THSD7A: variants seen among roughly 807,000 people sequenced by gnomAD.
THSD7A encodes thrombospondin type 1 domain containing 7A.
A neutral mutation model predicts 231.3 loss-of-function variants in THSD7A; 96 were observed. The ratio of observed to expected loss-of-function variants is 0.41; its 90% CI spans 0.35 to 0.49. THSD7A has a LOEUF of 0.49. Among genes scored for constraint, THSD7A ranks in the 20% least tolerant of loss-of-function variants. THSD7A has a pLI of 0.05. For synonymous variants in THSD7A, 940 were observed against 743.3 expected (o/e 1.26, Z -4.30); for missense variants, 2,290 against 2,070.2 (o/e 1.11, Z -2.06).
At chr7:11,692,056 C>T (rs556030632) in intron 1 of THSD7A, among the ~76,000 whole-genome samples, 10 of 151,472 alleles carry the variant, frequency 6.6e-5, no homozygotes, top group Non-Finnish European at 1.3e-4. Context: ...AAGCCAAACA[C>T]CATGTTAGTG....
intron 6 of THSD7A, among the ~76,000 whole-genome samples, chr7:11,537,244 T>C (rs772919190): frequency 1.3e-5 from 2 of 152,082 alleles, no homozygotes; most frequent in Non-Finnish European, 2.9e-5. Flanking sequence ...TGGTAAAAAG[T>C]TGAGAAAGAT....
chr7:11,678,162 A>T (rs1056435355), intron 1 of THSD7A, among the ~76,000 whole-genome samples: 4 of 152,200 alleles, frequency 2.6e-5, no homozygotes, highest in Admixed American at 1.3e-4. Flanking sequence ...CAAGGGCATA[A>T]CATACCAGAA....
chr7:11,693,449 A>G (rs1780295176), intron 1 of THSD7A, among the ~76,000 whole-genome samples: 2 of 151,558 alleles, frequency 1.3e-5, no homozygotes, highest in African/African-American at 4.8e-5. Context: ...AAAGCTCAGG[A>G]AGTTTAACTG....
chr7:11,527,722 G>A (rs1470692809), intron 6 of THSD7A, among the ~76,000 whole-genome samples: 2 of 152,200 alleles, frequency 1.3e-5, no homozygotes, highest in Non-Finnish European at 2.9e-5. Context: ...GGATACATCT[G>A]TGAGTCTAAG....
At chr7:11,693,231 A>G (rs1259673313) in intron 1 of THSD7A, among the ~76,000 whole-genome samples, 1 of 151,614 alleles carries the variant, frequency 6.6e-6, no homozygotes, top group East Asian at 1.9e-4. Context: ...AAACATTTCT[A>G]ACAAAGGACA....
At position 11,711,162 on chromosome 7, in the gene THSD7A, T is replaced by C. The variant is rs2128148773; in HGVS notation, c.191-74201A>G. Among the ~76,000 whole-genome samples the C allele has an allele frequency of 2.6e-5, 4 of 151,014 alleles. No homozygotes were observed. In the Middle Eastern group the frequency reaches 0.014, roughly 517 times the overall value. On this transcript the variant is annotated intron_variant, in intron 1 of 27. Coordinates refer to ENST00000423059, the MANE Select transcript of THSD7A (RefSeq NM_015204.3). The stretch of plus-strand genomic sequence containing the variant: ...AATATAAATTAATCAGAAATGAAAA[T>C]GTGCTTTATACATTTAGTTAAACAC...
chr7:11,815,277 G>A (rs1784650397), intron 1 of THSD7A, among the ~76,000 whole-genome samples: 1 of 151,552 alleles, frequency 6.6e-6, no homozygotes, highest in South Asian at 2.1e-4. Context: ...GTTGAACCTT[G>A]TCTCTGATTG....
intron 6 of THSD7A, among the ~76,000 whole-genome samples, chr7:11,523,981 A>C (rs891050637): frequency 6.6e-6 from 1 of 152,188 alleles, no homozygotes; most frequent in Non-Finnish European, 1.5e-5. Flanking sequence ...ATATGTGATT[A>C]AACAACATTT....
intron 19 of THSD7A, among the ~76,000 whole-genome samples, chr7:11,408,576 T>C (rs910833078): frequency 6.6e-6 from 1 of 152,128 alleles, no homozygotes. Flanking sequence ...TATAAGTTTT[T>C]AAAACTAGTA....
intron 4 of THSD7A, among the ~76,000 whole-genome samples, chr7:11,548,531 C>A (rs1397125382): frequency 6.6e-6 from 1 of 151,956 alleles, no homozygotes; most frequent in East Asian, 1.9e-4. Flanking sequence ...CATTCCGATA[C>A]CAAAACCTGG....
chr7:11,628,961 C>G (rs985326590), intron 2 of THSD7A, among the ~76,000 whole-genome samples: 2 of 152,064 alleles, frequency 1.3e-5, no homozygotes, highest in African/African-American at 4.8e-5. Context: ...CAGCTATTAA[C>G]TATAGGAAGA....
intron 1 of THSD7A, among the ~76,000 whole-genome samples, chr7:11,825,143 T>C (rs1288990269): frequency 6.6e-6 from 1 of 152,140 alleles, no homozygotes; most frequent in Non-Finnish European, 1.5e-5. Flanking sequence ...ACTTATGTCA[T>C]TTTTAGGGGA....
intron 17 of THSD7A, among the ~76,000 whole-genome samples, chr7:11,416,199 C>G (rs188708442): frequency 4.6e-5 from 7 of 152,234 alleles, no homozygotes; most frequent in Non-Finnish European, 1.0e-4. Context: ...AATAGAGCCT[C>G]AATAATTCTT....
intron 1 of THSD7A, among the ~76,000 whole-genome samples, chr7:11,734,948 T>C (rs900708922): frequency 1.3e-5 from 2 of 151,980 alleles, no homozygotes; most frequent in Non-Finnish European, 2.9e-5. Flanking sequence ...TTGATTATAT[T>C]ATTTTTACTG....
intron 5 of THSD7A, among the ~76,000 whole-genome samples, chr7:11,542,311 A>T (rs1416171593): frequency 6.6e-6 from 1 of 152,202 alleles, no homozygotes; most frequent in Non-Finnish European, 1.5e-5. Flanking sequence ...TTGCTATGTA[A>T]ACATACTAGA....
At chr7:11,512,166 C>G (rs142970466) in intron 6 of THSD7A, among the ~76,000 whole-genome samples, 5,222 of 152,174 alleles carry the variant, frequency 0.034, 313 homozygotes, top group African/African-American at 0.12. Flanking sequence ...TTTATGTAGC[C>G]AAAAGACACA....
chr7:11,581,413 G>T (rs981847139), intron 4 of THSD7A, among the ~76,000 whole-genome samples: 1 of 151,916 alleles, frequency 6.6e-6, no homozygotes, highest in African/African-American at 2.4e-5. Flanking sequence ...CTTTGTACCA[G>T]ACACCAATAT....
intron 2 of THSD7A, among the ~76,000 whole-genome samples, chr7:11,617,959 A>G (rs988004877): frequency 6.6e-6 from 1 of 152,224 alleles, no homozygotes; most frequent in African/African-American, 2.4e-5. Context: ...CACGTTTTGC[A>G]CATGTACCCT....
chr7:11,476,950 C>A (rs1336502172), intron 7 of THSD7A, among the ~76,000 whole-genome samples: 1 of 152,068 alleles, frequency 6.6e-6, no homozygotes, highest in African/African-American at 2.4e-5. Context: ...TCCTGGACCA[C>A]TTGGAAAAAG....
Sources: allele counts gnomAD v4.1 joint callset (sites outside exome capture counted in the v4.1 genomes callset), GRCh38; gene constraint gnomAD v4.1.1; transcripts MANE v1.5; gene names NCBI Gene and HGNC (gene_info 2026-07-23, HGNC 2026-07-21).